The following ALG9 variants were observed in gnomAD, a reference collection of about 807,000 sequenced individuals.
ALG9 encodes ALG9 alpha-1,2-mannosyltransferase.
ALG9 carries 55 observed loss-of-function variants against 81.8 expected under a neutral mutation model. The observed-to-expected ratio is 0.67, with a 90% CI of 0.54 to 0.84. The LOEUF is 0.84. Ranked by LOEUF, ALG9 falls within the 40% of genes least tolerant of loss-of-function variation. The pLI, the probability that ALG9 is intolerant of heterozygous loss-of-function variation, is 0.00. For synonymous variants in ALG9, 278 were observed against 274.3 expected, an observed-to-expected ratio of 1.01 and a Z score of -0.13; for missense variants, 629 against 745.0, an observed-to-expected ratio of 0.84 and a Z score of 1.81.
intron 1 of ALG9, chr11:111,870,870 G>A (rs1555157960): frequency 3.0e-6 from 3 of 1,000,386 alleles, no homozygotes; most frequent in African/African-American, 1.7e-5. Context: ...TGTTCAGATA[G>A]AAGCCTAGGT....
chr11:111,840,878 T>TA, intron 9 of ALG9, 69 bp from the exon 10 acceptor site: 1 of 1,580,936 alleles, frequency 6.3e-7, no homozygotes, highest in South Asian at 1.1e-5. Context: ...GTTTTAGTGT[T>TA]ATCTTGATCT....
chr11:111,842,445 A>T lies in ALG9; in HGVS notation c.1019-1636T>A, dbSNP rs376554884. Among the ~76,000 whole-genome samples the T allele has an allele frequency of 5.0e-4, 76 of 151,978 alleles. 1 individual carries two copies. Among genetic ancestry groups the T allele is most frequent in the African/African-American group, 1.7e-3 (72 of 41,430 alleles). ...GGGGACTTTTTTTTTCTCTTGAGACAGGGTCTCGCTCTGTCACCCAGGCTG... is the reference window on the plus strand; with the variant it reads ...GGGGACTTTTTTTTTCTCTTGAGACTGGGTCTCGCTCTGTCACCCAGGCTG... On this transcript the variant is annotated intron_variant, in intron 9 of 14. Coordinates refer to ENST00000616540, the MANE Select transcript of ALG9 (RefSeq NM_024740.2).
intron 13 of ALG9, among the ~76,000 whole-genome samples, chr11:111,813,577 C>T (rs1555093833): frequency 6.6e-6 from 1 of 152,016 alleles, no homozygotes; most frequent in Non-Finnish European, 1.5e-5. Flanking sequence ...TAAAAAAACA[C>T]AGAATGAGAG....
chr11:111,833,667 A>G (rs1555114894), intron 13 of ALG9, among the ~76,000 whole-genome samples: 1 of 152,228 alleles, frequency 6.6e-6, no homozygotes, highest in Non-Finnish European at 1.5e-5. Context: ...ACCACAGATA[A>G]GCAAAAAAAT....
chr11:111,770,266 T>C, the ALG9 span, among the ~76,000 whole-genome samples: 1 of 152,220 alleles, frequency 6.6e-6, no homozygotes, highest in African/African-American at 2.4e-5. Context: ...CCAGATGGTT[T>C]ACAGTGTCCA....
At position 111,784,184 on chromosome 11, in the gene ALG9, T is replaced by C. The variant is rs1419435709; in HGVS notation, c.*2213A>G. 4 of 152,266 alleles carry C rather than the reference T, an allele frequency of 2.6e-5. No individual in the cohort carries two copies. The highest frequency in any genetic ancestry group is 9.6e-5 in the African/African-American group (4 of 41,460). The allele number at this position is 152,266 out of a possible 1,614,324, so 9.4% of individuals were successfully genotyped here. On this transcript the variant is annotated 3_prime_UTR_variant, in exon 15 of 15. Coordinates refer to ENST00000616540, the MANE Select transcript of ALG9 (RefSeq NM_024740.2). ...GAAAATAGTAATCAAGAATTGAGAA[T>C]TAAATGCCAGAGATCTTTCAAGCAA...
intron 14 of ALG9, among the ~76,000 whole-genome samples, chr11:111,804,463 T>C (rs1949631559): frequency 6.6e-6 from 1 of 152,122 alleles, no homozygotes. Flanking sequence ...TGGTGGCTCA[T>C]GCCTGTAATC....
Position 111,870,214 on chromosome 11 carries a change from A to G in ALG9, c.270+18T>C. The G allele has an allele frequency of 6.2e-7, 1 of 1,605,066 alleles. No individual in the cohort carries two copies. The highest frequency in any genetic ancestry group is 8.5e-7 in the Non-Finnish European group (1 of 1,177,614). ...GCAAAATCAAGAACAAAAAGAGAAA[A>G]CTAAAGAAATCACCTACTGGCTCCC... On this transcript the variant is annotated intron_variant, in intron 2 of 14. Transcript: ENST00000616540.
chr11:111,773,778 A>T, the ALG9 span, among the ~76,000 whole-genome samples: 1 of 145,616 alleles, frequency 6.9e-6, no homozygotes, highest in Non-Finnish European at 1.5e-5. Context: ...TTTTTGAGAC[A>T]GGGTCTCATT....
intron 2 of ALG9, among the ~76,000 whole-genome samples, chr11:111,869,464 G>GA (rs1410308929): frequency 7.9e-5 from 12 of 151,954 alleles, no homozygotes; most frequent in African/African-American, 2.4e-4. Flanking sequence ...CTTAAAAAGT[G>GA]AAAAAAAGTG....
intron 6 of ALG9, among the ~76,000 whole-genome samples, chr11:111,856,576 C>T (rs1241731442): frequency 4.7e-5 from 7 of 149,716 alleles, no homozygotes; most frequent in African/African-American, 1.7e-4. Flanking sequence ...ATTGAGCTAG[C>T]GGAGAAGAAA....
chr11:111,834,543 A>G (rs1408473869), intron 13 of ALG9, among the ~76,000 whole-genome samples: 1 of 152,242 alleles, frequency 6.6e-6, no homozygotes, highest in Non-Finnish European at 1.5e-5. Context: ...ACAGACAGAA[A>G]CTGAAATTAA....
the ALG9 span, chr11:111,768,654 T>TTGTGTG: frequency 4.0e-5 from 6 of 149,982 alleles, no homozygotes; most frequent in African/African-American, 1.5e-4. Flanking sequence ...AATTATTGTG[T>TTGTGTG]TGTGTGTGTG....
In ALG9 at chr11:111,868,678, G is replaced by C. The variant is rs781843963; in HGVS notation, c.329C>G (p.Ala110Gly). Residue 110 changes from alanine (A) to glycine (G), a missense_variant, in exon 3 of 15, where the codon GCC becomes GGC. Ala to Gly is a moderately conservative substitution (Grantham distance 60). This residue lies in a region of ALG9 where 344 missense variants were observed against 390.5 expected (regional missense o/e 0.88). Transcript: ENST00000616540. ...CAACAGGTAAGCATAGGAGCGAATG[G>C]CATATGCTGGGGAATATTCCCAAGT... ...FQTWEYSPAY[A>G]IRSYAYLLLH... 2.5e-6 allele frequency: 4 copies of C among 1,613,618 alleles called. No homozygotes were observed. Among genetic ancestry groups the C allele is most frequent in the Non-Finnish European group, 3.4e-6 (4 of 1,179,582 alleles).
intron 10 of ALG9, 34 bp downstream of exon 10, chr11:111,840,621 G>C (rs1555122739): frequency 6.2e-7 from 1 of 1,613,230 alleles, no homozygotes; most frequent in Non-Finnish European, 8.5e-7. Context: ...AAGTAAAAAA[G>C]AATGAGGCAG....
intron 12 of ALG9, 142 bp downstream of exon 12, chr11:111,837,326 G>A (rs868939095): frequency 6.4e-6 from 6 of 934,420 alleles, no homozygotes; most frequent in Non-Finnish European, 4.9e-6. Context: ...CAGTACACAG[G>A]CCCCACAGCT....
At chr11:111,853,778 G>A (rs1555141213) in intron 6 of ALG9, 42 bp from the exon 7 acceptor site, 1 of 1,515,136 alleles carries the variant, frequency 6.6e-7, no homozygotes, top group South Asian at 1.1e-5. Flanking sequence ...AATAAATACT[G>A]ACAGAGACAA....
intron 14 of ALG9, among the ~76,000 whole-genome samples, chr11:111,809,407 GTAATCCC>G (rs1555088702): frequency 6.6e-6 from 1 of 152,094 alleles, no homozygotes; most frequent in African/African-American, 2.4e-5. Context: ...GTGTGCGCCT[GTAATCCC>G]AGCTACTTGG....
At chr11:111,838,005 A>G (rs1955603263) in intron 11 of ALG9, among the ~76,000 whole-genome samples, 1 of 152,218 alleles carries the variant, frequency 6.6e-6, no homozygotes, top group African/African-American at 2.4e-5. Flanking sequence ...ATCCATTAAA[A>G]GAAAAAAACA....
Sources: gnomAD v4.1 joint callset for allele counts (sites outside exome capture counted in the v4.1 genomes callset) on GRCh38, gnomAD v4.1.1 for gene constraint, gnomAD v4.1.1 regional missense constraint, MANE v1.5 for transcripts, NCBI Gene and HGNC (gene_info 2026-07-23, HGNC 2026-07-21) for gene names.